The following RBMS3 variants were observed in gnomAD, a reference collection of about 807,000 sequenced individuals.
The protein encoded by RBMS3 is RNA binding motif single stranded interacting protein 3.
In RBMS3, 27 loss-of-function variants were observed where a neutral mutation model predicts 66.8. The ratio of observed to expected loss-of-function variants is 0.40; its 90% CI spans 0.30 to 0.56. The LOEUF (loss-of-function observed/expected upper bound fraction) is 0.56. RBMS3 is among the 20% of genes least tolerant of loss of function. The probability of loss-of-function intolerance (pLI) is 0.40; values close to 1 mark genes in which losing one functional copy is unlikely to be tolerated. For synonymous variants in RBMS3, 188 were observed against 183.0 expected (o/e 1.03, Z -0.22); for missense variants, 513 against 549.5 (o/e 0.93, Z 0.66).
At chr3:29,501,580 G>C (rs1286165964) in intron 3 of RBMS3, among the ~76,000 whole-genome samples, 1 of 152,110 alleles carries the variant, frequency 6.6e-6, no homozygotes, top group African/African-American at 2.4e-5. Flanking sequence ...GCAGCCATTT[G>C]TTGCATCAAG....
chr3:29,408,745 T>G (rs1241518210), intron 1 of RBMS3, among the ~76,000 whole-genome samples: 1 of 152,214 alleles, frequency 6.6e-6, no homozygotes, highest in African/African-American at 2.4e-5. Context: ...CTGTACCAAC[T>G]AATATTTTTC....
rs891301167 is a variant in RBMS3, at chr3:29,869,093, A to C, written c.744+129A>C. The C allele has an allele frequency of 2.9e-5, 20 of 683,336 alleles. No homozygotes were observed. In the African/African-American group the frequency reaches 3.3e-4, roughly 11 times the overall value. The allele number at this position is 683,336 out of a possible 1,614,324, so 42.3% of individuals were successfully genotyped here. ...AACACCCAATGTCTTCAAAGGGGCAAATGAGCAGACCCATGTTAATGTGTT... is the reference window on the plus strand; with the variant it reads ...AACACCCAATGTCTTCAAAGGGGCACATGAGCAGACCCATGTTAATGTGTT... On this transcript the variant is annotated intron_variant, in intron 7 of 14. Transcript: ENST00000383767.
At chr3:29,459,127 T>A (rs539822099) in intron 2 of RBMS3, among the ~76,000 whole-genome samples, 1 of 152,200 alleles carries the variant, frequency 6.6e-6, no homozygotes, top group Non-Finnish European at 1.5e-5. Context: ...TCTGGACAAC[T>A]GTGTTATTAC....
At chr3:29,347,018 A>C (rs2036616468) in intron 1 of RBMS3, among the ~76,000 whole-genome samples, 1 of 152,152 alleles carries the variant, frequency 6.6e-6, no homozygotes, top group South Asian at 2.1e-4. Context: ...GTGCTCTGTG[A>C]AGCCTGGTGG....
intron 1 of RBMS3, among the ~76,000 whole-genome samples, chr3:29,393,136 A>T (rs373642128): frequency 6.6e-6 from 1 of 152,168 alleles, no homozygotes; most frequent in Non-Finnish European, 1.5e-5. Context: ...AACCTTTTCT[A>T]TGACTTGTAA....
intron 6 of RBMS3, among the ~76,000 whole-genome samples, chr3:29,821,956 T>C (rs1358884952): frequency 6.6e-6 from 1 of 152,192 alleles, no homozygotes; most frequent in East Asian, 1.9e-4. Flanking sequence ...TGGCTCTTCT[T>C]CTCAAAATTC....
At chr3:29,525,981 G>T (rs75853768) in intron 3 of RBMS3, among the ~76,000 whole-genome samples, 1 of 152,086 alleles carries the variant, frequency 6.6e-6, no homozygotes, top group African/African-American at 2.4e-5. Context: ...ATGTAGTGTC[G>T]CTGACTCTTG....
intron 6 of RBMS3, among the ~76,000 whole-genome samples, chr3:29,794,191 A>G (rs1197625722): frequency 6.6e-6 from 1 of 152,104 alleles, no homozygotes; most frequent in Non-Finnish European, 1.5e-5. Flanking sequence ...TGCATAAACA[A>G]CCTACTACAC....
At chr3:29,680,527 T>C (rs2051441903) in intron 4 of RBMS3, among the ~76,000 whole-genome samples, 1 of 152,218 alleles carries the variant, frequency 6.6e-6, no homozygotes, top group African/African-American at 2.4e-5. Flanking sequence ...GAAATATTTC[T>C]TGATTTTAAT....
intron 14 of RBMS3, among the ~76,000 whole-genome samples, chr3:29,995,299 G>C (rs1434882249): frequency 6.6e-6 from 1 of 152,174 alleles, no homozygotes; most frequent in South Asian, 2.1e-4. Context: ...TGGTGTACCT[G>C]AAAGTGATGG....
intron 1 of RBMS3, among the ~76,000 whole-genome samples, chr3:29,366,795 A>G (rs1392795174): frequency 6.6e-6 from 1 of 152,176 alleles, no homozygotes; most frequent in African/African-American, 2.4e-5. Context: ...ATCTTCCTGC[A>G]TCATTTTATT....
chr3:29,790,259 T>C (rs1432903496), intron 6 of RBMS3, among the ~76,000 whole-genome samples: 1 of 152,196 alleles, frequency 6.6e-6, no homozygotes, highest in Non-Finnish European at 1.5e-5. Flanking sequence ...TAAAACATTA[T>C]ATTAAAACAA....
At chr3:29,968,629 G>A (rs571936242) in intron 12 of RBMS3, among the ~76,000 whole-genome samples, 1 of 152,310 alleles carries the variant, frequency 6.6e-6, no homozygotes, top group South Asian at 2.1e-4. Context: ...CTTCTCCAGT[G>A]GGGGTGTGTG....
chr3:29,900,515 A>G (rs17838728), intron 10 of RBMS3, among the ~76,000 whole-genome samples: 3,408 of 151,850 alleles, frequency 0.022, 128 homozygotes, highest in African/African-American at 0.078. Flanking sequence ...TCTTTGCCTA[A>G]GTCTTCCAGG....
In RBMS3 at chr3:29,462,732, T is replaced by G. The variant is rs371252389; in HGVS notation, c.249-25709T>G. ...TCATAGATTGCTACCACAGCTGAGT[T>G]GTTGAGAATGATAACTCTATAACCC... On this transcript the variant is annotated intron_variant, in intron 2 of 14. Transcript: ENST00000383767. Among the ~76,000 whole-genome samples the G allele has an allele frequency of 9.8e-5, 15 of 152,342 alleles. No homozygotes were observed. In the East Asian group the frequency reaches 2.7e-3, roughly 27 times the overall value.
intron 1 of RBMS3, among the ~76,000 whole-genome samples, chr3:29,343,674 G>A (rs72851257): frequency 0.11 from 17,461 of 152,168 alleles, 1,065 homozygotes; most frequent in East Asian, 0.22. Context: ...TGAACTGAAG[G>A]CACTGAGGAA....
intron 1 of RBMS3, among the ~76,000 whole-genome samples, chr3:29,432,411 G>A (rs945691642): frequency 3.9e-5 from 6 of 152,196 alleles, no homozygotes; most frequent in African/African-American, 1.4e-4. Context: ...CTTATAGACA[G>A]TGGGAAATAG....
intron 8 of RBMS3, among the ~76,000 whole-genome samples, chr3:29,886,207 A>T (rs191569372): frequency 2.0e-5 from 3 of 152,034 alleles, no homozygotes; most frequent in Non-Finnish European, 2.9e-5. Flanking sequence ...AACTTTGCTC[A>T]GTTGCCCCAA....
chr3:29,644,560 T>A (rs1182850727), intron 4 of RBMS3, among the ~76,000 whole-genome samples: 2 of 152,228 alleles, frequency 1.3e-5, no homozygotes, highest in Non-Finnish European at 2.9e-5. Context: ...TTATGTCGTG[T>A]CTGCATTCAT....
Sources: gnomAD v4.1 joint callset for allele counts (sites outside exome capture counted in the v4.1 genomes callset) on GRCh38, gnomAD v4.1.1 for gene constraint, MANE v1.5 for transcripts, NCBI Gene and HGNC (gene_info 2026-07-23, HGNC 2026-07-21) for gene names.